The following CELF2 variants were observed in gnomAD, a reference collection of about 807,000 sequenced individuals.
The protein encoded by CELF2 is CUGBP Elav-like family member 2.
Under a neutral mutation model 62.6 loss-of-function variants are expected in CELF2, and 8 were observed. The observed-to-expected ratio is 0.13, with a 90% CI of 0.07 to 0.23. The LOEUF is 0.23. Among genes scored for constraint, CELF2 ranks in the 10% least tolerant of loss-of-function variants. CELF2 has a pLI of 1.00. For missense variants in CELF2, 333 were observed against 671.0 expected, an observed-to-expected ratio of 0.50 and a Z score of 5.56; for synonymous variants, 258 against 250.0, an observed-to-expected ratio of 1.03 and a Z score of -0.30.
the CELF2 span, among the ~76,000 whole-genome samples, chr10:10,698,407 C>T: frequency 6.6e-6 from 1 of 152,136 alleles, no homozygotes; most frequent in Non-Finnish European, 1.5e-5. Flanking sequence ...TCTCGGGATA[C>T]AAGGAGGATT....
chr10:10,699,881 C>T, the CELF2 span, among the ~76,000 whole-genome samples: 2 of 152,146 alleles, frequency 1.3e-5, no homozygotes, highest in South Asian at 2.1e-4. Flanking sequence ...ACAGCATCGC[C>T]GTAGTTTCCA....
chr10:10,796,607 G>A (rs2054153278), upstream of CELF2, among the ~76,000 whole-genome samples: 1 of 152,182 alleles, frequency 6.6e-6, no homozygotes, highest in Non-Finnish European at 1.5e-5. Flanking sequence ...CGTGGGCTAA[G>A]GATGAGGATG....
chr10:10,815,425 G>T (rs2056360335), intron 1 of CELF2, among the ~76,000 whole-genome samples: 1 of 152,194 alleles, frequency 6.6e-6, no homozygotes, highest in Non-Finnish European at 1.5e-5. Flanking sequence ...CTTGGGTTTT[G>T]TTTCCTAAAA....
the CELF2 span, among the ~76,000 whole-genome samples, chr10:10,532,878 C>A: frequency 1.6e-4 from 9 of 57,832 alleles, no homozygotes; most frequent in Non-Finnish European, 2.5e-4. Flanking sequence ...CTCAAAGAGA[C>A]AAAATCTCAA....
chr10:11,301,878 G>A (rs764664731), intron 9 of CELF2, among the ~76,000 whole-genome samples: 7 of 152,098 alleles, frequency 4.6e-5, no homozygotes, highest in Admixed American at 2.6e-4. Context: ...GGTGGAGTGC[G>A]AGGCCCTTGT....
chr10:11,069,658 C>G (rs1403775956), intron 1 of CELF2, among the ~76,000 whole-genome samples: 1 of 152,118 alleles, frequency 6.6e-6, no homozygotes, highest in Admixed American at 6.6e-5. Flanking sequence ...GGTGTGTATA[C>G]AGAGGTGGTT....
At chr10:11,058,498 G>C (rs1272389949) in intron 1 of CELF2, among the ~76,000 whole-genome samples, 7 of 93,074 alleles carry the variant, frequency 7.5e-5, no homozygotes, top group Admixed American at 1.6e-4. Context: ...ATGGAGTCTT[G>C]TTCTGTCACC....
At chr10:10,900,132 A>C (rs938838207) in intron 1 of CELF2, among the ~76,000 whole-genome samples, 13 of 152,224 alleles carry the variant, frequency 8.5e-5, no homozygotes, top group African/African-American at 2.7e-4. Flanking sequence ...CATTTCACTG[A>C]TAAATTCTAC....
At chr10:10,689,376 C>T in the CELF2 span, among the ~76,000 whole-genome samples, 7 of 152,138 alleles carry the variant, frequency 4.6e-5, no homozygotes, top group Non-Finnish European at 1.0e-4. Context: ...AATCTGCCCC[C>T]ATGATCCAGT....
the CELF2 span, among the ~76,000 whole-genome samples, chr10:10,643,885 C>T: frequency 6.6e-6 from 1 of 152,226 alleles, no homozygotes; most frequent in Admixed American, 6.5e-5. Context: ...GACACAGTTA[C>T]AGTTTAGTGG....
At chr10:11,096,932 C>T (rs2050043182) in intron 1 of CELF2, among the ~76,000 whole-genome samples, 2 of 152,180 alleles carry the variant, frequency 1.3e-5, no homozygotes, top group African/African-American at 4.8e-5. Context: ...ACCCACTCCT[C>T]CTCCTCCTTT....
the CELF2 span, among the ~76,000 whole-genome samples, chr10:10,544,325 C>A: frequency 6.6e-6 from 1 of 152,264 alleles, no homozygotes; most frequent in East Asian, 1.9e-4. Context: ...CACAGCAGAG[C>A]CGCTAGATTG....
the CELF2 span, among the ~76,000 whole-genome samples, chr10:10,510,225 C>G: frequency 6.6e-6 from 1 of 152,202 alleles, no homozygotes; most frequent in Non-Finnish European, 1.5e-5. Context: ...ATTCACAAAC[C>G]TGTAAGTGCC....
the CELF2 span, among the ~76,000 whole-genome samples, chr10:10,504,644 C>A: frequency 6.6e-6 from 1 of 152,148 alleles, no homozygotes. Context: ...TTCTTTCCAT[C>A]TGAAATTCAA....
chr10:11,033,931 A>T (rs1451756592), intron 1 of CELF2, among the ~76,000 whole-genome samples: 1 of 152,222 alleles, frequency 6.6e-6, no homozygotes, highest in Non-Finnish European at 1.5e-5. Context: ...AACAACCTAA[A>T]CATTTCTGTA....
At chr10:10,615,865 T>C in the CELF2 span, among the ~76,000 whole-genome samples, 1 of 152,140 alleles carries the variant, frequency 6.6e-6, no homozygotes, top group Non-Finnish European at 1.5e-5. Flanking sequence ...CCGAAGTATG[T>C]ATTTATAGCA....
chr10:10,894,361 T>C (rs543455622), intron 1 of CELF2, among the ~76,000 whole-genome samples: 1 of 152,332 alleles, frequency 6.6e-6, no homozygotes, highest in East Asian at 1.9e-4. Flanking sequence ...ACCAACTTGA[T>C]GGATTTAATG....
the CELF2 span, among the ~76,000 whole-genome samples, chr10:10,627,373 A>C: frequency 6.6e-6 from 1 of 152,236 alleles, no homozygotes. Flanking sequence ...TTAAACATGC[A>C]AATGGTCTCA....
the CELF2 span, among the ~76,000 whole-genome samples, chr10:10,693,968 G>A: frequency 5.9e-5 from 9 of 151,692 alleles, no homozygotes; most frequent in East Asian, 1.5e-3. Context: ...ACCAGCTCCT[G>A]GATTCATTAA....
Sources: allele counts gnomAD v4.1 joint callset (sites outside exome capture counted in the v4.1 genomes callset), GRCh38; gene constraint gnomAD v4.1.1; transcripts MANE v1.5; gene names NCBI Gene and HGNC (gene_info 2026-07-23, HGNC 2026-07-21).